FAM169A: variants seen among roughly 807,000 people sequenced by gnomAD.
FAM169A encodes the protein soluble lamin-associated protein of 75 kDa.
FAM169A carries 24 observed loss-of-function variants against 75.7 expected under a neutral mutation model. That is an observed-to-expected ratio of 0.32 (90% CI 0.23 to 0.45). The LOEUF (loss-of-function observed/expected upper bound fraction) is 0.45. FAM169A is among the 20% of genes least tolerant of loss of function. The pLI is 1.00. For synonymous variants in FAM169A, 271 were observed against 271.0 expected, an observed-to-expected ratio of 1.00 and a Z score of 0.00; for missense variants, 673 against 784.0, an observed-to-expected ratio of 0.86 and a Z score of 1.69.
chr5:74,849,264 T>C (rs1749316362), intron 1 of FAM169A, among the ~76,000 whole-genome samples: 1 of 152,160 alleles, frequency 6.6e-6, no homozygotes, highest in Non-Finnish European at 1.5e-5. Context: ...ATGGATAACC[T>C]TAAGAAAAGC....
chr5:74,796,646 C>T (rs1434685974), intron 10 of FAM169A, among the ~76,000 whole-genome samples: 2 of 151,978 alleles, frequency 1.3e-5, no homozygotes, highest in Non-Finnish European at 2.9e-5. Flanking sequence ...CCTCGTGATC[C>T]GCCCATCTTG....
chr5:74,847,620 T>G (rs1016877554), intron 1 of FAM169A, among the ~76,000 whole-genome samples: 2 of 152,190 alleles, frequency 1.3e-5, no homozygotes, highest in African/African-American at 4.8e-5. Flanking sequence ...TCCTATAATT[T>G]AAATGTTCAC....
chr5:74,851,467 A>G (rs1445174022), intron 1 of FAM169A, among the ~76,000 whole-genome samples: 1 of 152,196 alleles, frequency 6.6e-6, no homozygotes, highest in Non-Finnish European at 1.5e-5. Context: ...GAATTACCAC[A>G]CCCAGGAATG....
rs533776951 is a variant in FAM169A, at chr5:74,784,375, C to T, written c.1261-1241G>A. On this transcript the variant is annotated intron_variant, in intron 11 of 12. Coordinates refer to ENST00000687041, the MANE Select transcript of FAM169A (RefSeq NM_001376049.1). ...AAATATAAAAATTAGCCAGGCATGG[C>T]GGCACTCGCCTGTAGTCCCAGCTAC... is the stretch of plus-strand genomic sequence containing the variant. Among the ~76,000 whole-genome samples, 7 of 151,424 alleles carry T rather than the reference C, an allele frequency of 4.6e-5. No individual in the cohort carries two copies. The South Asian group carries it at 6.3e-4, about 14-fold the overall frequency.
At chr5:74,860,405 G>A (rs1055680135) in intron 1 of FAM169A, among the ~76,000 whole-genome samples, 8 of 152,042 alleles carry the variant, frequency 5.3e-5, no homozygotes, top group Admixed American at 2.0e-4. Flanking sequence ...TACTAAATTG[G>A]CTTCTGTCCT....
chr5:74,862,875 A>G (rs910034314), intron 1 of FAM169A, among the ~76,000 whole-genome samples: 3 of 152,212 alleles, frequency 2.0e-5, no homozygotes, highest in Non-Finnish European at 2.9e-5. Context: ...ATACTTCACT[A>G]AACTATAGAC....
intron 11 of FAM169A, among the ~76,000 whole-genome samples, chr5:74,788,081 G>T (rs902255452): frequency 3.3e-5 from 5 of 152,150 alleles, no homozygotes; most frequent in Non-Finnish European, 7.3e-5. Context: ...AAAGGGAAAT[G>T]ATCAGACATT....
chr5:74,838,048 C>G (rs555984167), intron 4 of FAM169A, among the ~76,000 whole-genome samples: 65 of 145,818 alleles, frequency 4.5e-4, no homozygotes, highest in Non-Finnish European at 8.3e-4. Context: ...ACCCAGGAAG[C>G]TGAGGTTGTG....
chr5:74,859,030 A>G (rs1460821930), intron 1 of FAM169A, among the ~76,000 whole-genome samples: 4 of 152,022 alleles, frequency 2.6e-5, no homozygotes, highest in Non-Finnish European at 5.9e-5. Context: ...CCTGGCCAAC[A>G]TGGCAAAACC....
intron 5 of FAM169A, among the ~76,000 whole-genome samples, chr5:74,826,967 CAGTT>C (rs771077639): frequency 8.5e-5 from 13 of 152,156 alleles, no homozygotes; most frequent in Non-Finnish European, 1.5e-5. Flanking sequence ...GGCTGATTGT[CAGTT>C]ACTTTATAGA....
intron 5 of FAM169A, among the ~76,000 whole-genome samples, chr5:74,829,730 T>C (rs569501708): frequency 6.6e-6 from 1 of 152,248 alleles, no homozygotes; most frequent in Non-Finnish European, 1.5e-5. Context: ...TCCCAGCACT[T>C]TGGGAGCCCA....
intron 1 of FAM169A, among the ~76,000 whole-genome samples, chr5:74,850,504 A>G (rs995885657): frequency 1.3e-5 from 2 of 152,218 alleles, no homozygotes; most frequent in Admixed American, 6.5e-5. Flanking sequence ...ATCCAGCTAT[A>G]TTGCAAAGGA....
At chr5:74,860,827 T>TAAAAA (rs11293001) in intron 1 of FAM169A, among the ~76,000 whole-genome samples, 2 of 71,642 alleles carry the variant, frequency 2.8e-5, no homozygotes, top group Non-Finnish European at 2.9e-5. Flanking sequence ...AATGTAGCAC[T>TAAAAA]AAAAAAAAAA....
chr5:74,858,498 C>T (rs1398342097), intron 1 of FAM169A, among the ~76,000 whole-genome samples: 1 of 152,090 alleles, frequency 6.6e-6, no homozygotes, highest in Non-Finnish European at 1.5e-5. Context: ...AACCGAATAC[C>T]ACATGTTCTC....
upstream of FAM169A, chr5:74,866,490 G>T: frequency 1.5e-6 from 1 of 681,810 alleles, no homozygotes; most frequent in Non-Finnish European, 1.8e-6. Context: ...AGCCTGGGAC[G>T]CCGCCCTGCC....
At chr5:74,812,687 AAAG>A (rs1169016868) in intron 6 of FAM169A, among the ~76,000 whole-genome samples, 1 of 152,162 alleles carries the variant, frequency 6.6e-6, no homozygotes, top group African/African-American at 2.4e-5. Context: ...AGATTTCTCC[AAAG>A]AAGATATACA....
intron 5 of FAM169A, among the ~76,000 whole-genome samples, chr5:74,826,196 A>G (rs989213556): frequency 3.9e-5 from 6 of 152,170 alleles, no homozygotes; most frequent in African/African-American, 1.4e-4. Flanking sequence ...AAATGCAATG[A>G]CTAACTTTTC....
At chr5:74,787,553 T>C (rs994508529) in intron 11 of FAM169A, among the ~76,000 whole-genome samples, 3 of 152,198 alleles carry the variant, frequency 2.0e-5, no homozygotes, top group Non-Finnish European at 4.4e-5. Context: ...AAGAGCTCTA[T>C]GATTACTCTT....
chr5:74,830,857 T>A (rs1331121514), intron 5 of FAM169A, among the ~76,000 whole-genome samples: 1 of 152,198 alleles, frequency 6.6e-6, no homozygotes, highest in Non-Finnish European at 1.5e-5. Flanking sequence ...TGCATTTTCA[T>A]AATTTCGCCT....
Sources: gnomAD v4.1 joint callset for allele counts (sites outside exome capture counted in the v4.1 genomes callset) on GRCh38, gnomAD v4.1.1 for gene constraint, MANE v1.5 for transcripts, NCBI Gene and HGNC (gene_info 2026-07-23, HGNC 2026-07-21) for gene names.